HS6ST3: variants seen among roughly 807,000 people sequenced by gnomAD.
The protein encoded by HS6ST3 is heparan-sulfate 6-O-sulfotransferase 3.
Under a neutral mutation model 36.7 loss-of-function variants are expected in HS6ST3, and 12 were observed. The observed-to-expected ratio is 0.33, with a 90% CI of 0.21 to 0.53. The LOEUF (loss-of-function observed/expected upper bound fraction) is 0.53, where lower values mean the gene tolerates loss of function less well. Among genes scored for constraint, HS6ST3 ranks in the 20% least tolerant of loss-of-function variants. The pLI is 0.95. For synonymous variants in HS6ST3, 240 were observed against 257.5 expected, an observed-to-expected ratio of 0.93 and a Z score of 0.65; for missense variants, 584 against 640.9, an observed-to-expected ratio of 0.91 and a Z score of 0.96.
chr13:96,433,558 G>T (rs747166484), intron 1 of HS6ST3, among the ~76,000 whole-genome samples: 1 of 152,180 alleles, frequency 6.6e-6, no homozygotes, highest in Non-Finnish European at 1.5e-5. Context: ...ACCTGTGACT[G>T]TGTAAGATGT....
At chr13:96,789,872 A>G (rs1877740084) in intron 1 of HS6ST3, among the ~76,000 whole-genome samples, 1 of 151,510 alleles carries the variant, frequency 6.6e-6, no homozygotes, top group South Asian at 2.1e-4. Flanking sequence ...TAGCAGTTTG[A>G]TTATGATGTG....
In HS6ST3 at chr13:96,090,831, GC is replaced by G; in HGVS notation, c.-30del. ...CGTCCGCCCTGCCGCCGCCGCCGCC[GC>G]CGCTTCGCCTGCCGGCCTGAGAGCG... On this transcript the variant is annotated 5_prime_UTR_variant, in exon 1 of 2. The change abolishes the stop of an existing upstream ORF in the 5' untranslated region. Coordinates refer to ENST00000376705, the MANE Select transcript of HS6ST3 (RefSeq NM_153456.4). 6.8e-7 allele frequency: 1 copy of G among 1,463,320 alleles called. No homozygotes were observed. The highest frequency in any genetic ancestry group is 9.1e-7 in the Non-Finnish European group (1 of 1,102,250). The allele number at this position is 1,463,320 out of a possible 1,614,324, so 90.6% of individuals were successfully genotyped here.
At chr13:96,186,667 CTG>C (rs1202056441) in intron 1 of HS6ST3, among the ~76,000 whole-genome samples, 12 of 152,128 alleles carry the variant, frequency 7.9e-5, no homozygotes, top group Non-Finnish European at 1.2e-4. Context: ...ATTTTTGACT[CTG>C]TGGGCAATTG....
At chr13:96,596,795 A>G (rs145656067) in intron 1 of HS6ST3, among the ~76,000 whole-genome samples, 50 of 152,312 alleles carry the variant, frequency 3.3e-4, no homozygotes, top group African/African-American at 1.1e-3. Context: ...AGTCCTAAAG[A>G]CAGAAATACC....
chr13:96,361,981 G>C (rs1046870314), intron 1 of HS6ST3, among the ~76,000 whole-genome samples: 2 of 152,162 alleles, frequency 1.3e-5, no homozygotes, highest in South Asian at 4.1e-4. Flanking sequence ...AGAAACTCTG[G>C]TAATGGGACC....
At chr13:96,798,300 A>T (rs998270377) in intron 1 of HS6ST3, among the ~76,000 whole-genome samples, 1 of 152,034 alleles carries the variant, frequency 6.6e-6, no homozygotes, top group Admixed American at 6.6e-5. Flanking sequence ...ACATGGGCCC[A>T]ATTGATGAAA....
At chr13:96,334,283 A>G (rs1427095845) in intron 1 of HS6ST3, among the ~76,000 whole-genome samples, 2 of 152,172 alleles carry the variant, frequency 1.3e-5, no homozygotes, top group Admixed American at 6.5e-5. Flanking sequence ...GATCCTCCCA[A>G]TAGTGAGTTC....
chr13:96,215,814 G>A (rs1311654278), intron 1 of HS6ST3, among the ~76,000 whole-genome samples: 1 of 152,102 alleles, frequency 6.6e-6, no homozygotes, highest in Non-Finnish European at 1.5e-5. Flanking sequence ...TGTATAGTTG[G>A]ACAATTTACT....
intron 1 of HS6ST3, among the ~76,000 whole-genome samples, chr13:96,807,364 T>C (rs1244796246): frequency 1.3e-5 from 2 of 152,048 alleles, no homozygotes; most frequent in Non-Finnish European, 2.9e-5. Context: ...GGAAATACAA[T>C]TGTTGTAGGT....
At chr13:96,723,438 A>C (rs554182258) in intron 1 of HS6ST3, among the ~76,000 whole-genome samples, 6 of 152,280 alleles carry the variant, frequency 3.9e-5, no homozygotes, top group African/African-American at 1.2e-4. Context: ...CCAGCCCTGC[A>C]CTGCCTATGC....
At chr13:96,226,547 A>G in intron 1 of HS6ST3, among the ~76,000 whole-genome samples, 1 of 152,316 alleles carries the variant, frequency 6.6e-6, no homozygotes, top group East Asian at 1.9e-4. Context: ...AATAATAAAG[A>G]AATTAAGACA....
chr13:96,646,937 A>C (rs2056590747), intron 1 of HS6ST3, among the ~76,000 whole-genome samples: 1 of 151,994 alleles, frequency 6.6e-6, no homozygotes, highest in African/African-American at 2.4e-5. Flanking sequence ...TCTAAGATCT[A>C]GGGCGAGCAT....
intron 1 of HS6ST3, among the ~76,000 whole-genome samples, chr13:96,108,174 C>T (rs527777750): frequency 1.3e-5 from 2 of 152,280 alleles, no homozygotes; most frequent in African/African-American, 2.4e-5. Context: ...AAAAAGAATG[C>T]ATTCCCAGGG....
chr13:96,447,111 T>C (rs745003), intron 1 of HS6ST3, among the ~76,000 whole-genome samples: 45,491 of 152,082 alleles, frequency 0.3, 6,949 homozygotes, highest in South Asian at 0.43. Flanking sequence ...GGCTCTTAGA[T>C]GAGCACCCTC....
chr13:96,536,665 G>A (rs1419835192), intron 1 of HS6ST3, among the ~76,000 whole-genome samples: 2 of 152,174 alleles, frequency 1.3e-5, no homozygotes, highest in Non-Finnish European at 1.5e-5. Context: ...GTGGAAAACT[G>A]TGTCCTCAAG....
rs10632047 is a variant in HS6ST3, at chr13:96,491,472, CA to C, written c.708-341000del. Among the ~76,000 whole-genome samples, 843 of 123,640 alleles carry C rather than the reference CA, an allele frequency of 6.8e-3. 1 individual carries two copies. The highest frequency in any genetic ancestry group is 0.024 in the East Asian group (96 of 3,924). 81.1% of individuals were successfully genotyped at this position (123,640 alleles called of 152,430 possible). ...ACTTTATAATTGTAGTACTAATGTG[CA>C]AAAAAAAAAAAAAAAAATACCCAGA... On this transcript the variant is annotated intron_variant, in intron 1 of 1. Coordinates refer to ENST00000376705, the MANE Select transcript of HS6ST3 (RefSeq NM_153456.4).
At position 96,227,696 on chromosome 13, in the gene HS6ST3, A is replaced by G. The variant is rs1001103571; in HGVS notation, c.707+136127A>G. ...TATGAGTCATATTTTTTTCTGCACA[A>G]CATGGGTTTCAACTGCTGGAAACAA... On this transcript the variant is annotated intron_variant, in intron 1 of 1. Transcript: ENST00000376705. Among the ~76,000 whole-genome samples, 5 of 152,340 alleles carry G rather than the reference A, an allele frequency of 3.3e-5. No homozygotes were observed. The Middle Eastern group carries it at 0.01, about 311-fold the overall frequency.
intron 1 of HS6ST3, among the ~76,000 whole-genome samples, chr13:96,779,778 A>C (rs1221848318): frequency 6.6e-6 from 1 of 151,748 alleles, no homozygotes; most frequent in African/African-American, 2.4e-5. Flanking sequence ...TTAAAAAAAA[A>C]AAAAAAAACA....
At chr13:96,126,531 G>C (rs2053952016) in intron 1 of HS6ST3, among the ~76,000 whole-genome samples, 1 of 152,194 alleles carries the variant, frequency 6.6e-6, no homozygotes, top group Non-Finnish European at 1.5e-5. Flanking sequence ...TAGCAGAAAA[G>C]GGGCTGTCTG....
Sources: gnomAD v4.1 joint callset for allele counts (sites outside exome capture counted in the v4.1 genomes callset) on GRCh38, gnomAD v4.1.1 for gene constraint, MANE v1.5 for transcripts, NCBI Gene and HGNC (gene_info 2026-07-23, HGNC 2026-07-21) for gene names.